Variants in OR51B5 observed in about 807,000 individuals in gnomAD.
The protein encoded by OR51B5 is olfactory receptor family 51 subfamily B member 5, also known as olfactory receptor 51B5.
For missense variants in OR51B5, 456 were observed against 374.6 expected (o/e 1.22, Z -1.79); for synonymous variants, 186 against 144.8 (o/e 1.28, Z -2.04).
chr11:5,372,365 T>G (rs1263194845), intron 1 of OR51B5, among the ~76,000 whole-genome samples: 2 of 152,194 alleles, frequency 1.3e-5, no homozygotes, highest in Admixed American at 6.5e-5. Flanking sequence ...ATAATGGCTA[T>G]GTTAACTTAC....
rs767610845 is a variant in OR51B5, at chr11:5,423,079, T to G, written n.85-76169A>C. 5 of 1,613,972 alleles carry G rather than the reference T, an allele frequency of 3.1e-6. No homozygotes were observed. In the East Asian group the frequency reaches 1.1e-4, roughly 36 times the overall value. Reference sequence around the variant, plus strand: ...CACCCCCGGTGATGAACCCCATCATTTACAGTGTAAAGAACAAGCAGATCC... The same window carrying G: ...CACCCCCGGTGATGAACCCCATCATGTACAGTGTAAAGAACAAGCAGATCC... On this transcript the variant is annotated intron_variant and non_coding_transcript_variant, in intron 1 of 4. Transcript: ENST00000415970.
At chr11:5,472,047 C>T (rs1438320426) in intron 1 of OR51B5, among the ~76,000 whole-genome samples, 1 of 152,134 alleles carries the variant, frequency 6.6e-6, no homozygotes, top group Non-Finnish European at 1.5e-5. Context: ...ATTTTATCCA[C>T]CATCTATGAG....
At chr11:5,414,110 G>A (rs1008409972) in intron 1 of OR51B5, among the ~76,000 whole-genome samples, 9 of 151,982 alleles carry the variant, frequency 5.9e-5, no homozygotes, top group African/African-American at 2.2e-4. Flanking sequence ...CAAGCCAGAA[G>A]AGAGTGGGGG....
intron 1 of OR51B5, among the ~76,000 whole-genome samples, chr11:5,417,665 A>C (rs1364649942): frequency 6.6e-6 from 1 of 151,868 alleles, no homozygotes; most frequent in Admixed American, 6.6e-5. Flanking sequence ...CAAAAAACAC[A>C]TGAAAAAATG....
chr11:5,341,194 G>T (rs921146822), downstream of OR51B5: 2 of 152,178 alleles, frequency 1.3e-5, no homozygotes, highest in Non-Finnish European at 2.9e-5. Flanking sequence ...CAGGAGACAG[G>T]GAGCAAGTAA....
intron 1 of OR51B5, among the ~76,000 whole-genome samples, chr11:5,396,569 G>A (rs1228397910): frequency 2.6e-5 from 4 of 150,970 alleles, no homozygotes; most frequent in Non-Finnish European, 5.9e-5. Context: ...CAAACAAATG[G>A]AAGAACATTC....
At chr11:5,383,118 C>T (rs1849635843) in intron 1 of OR51B5, among the ~76,000 whole-genome samples, 1 of 151,796 alleles carries the variant, frequency 6.6e-6, no homozygotes, top group African/African-American at 2.4e-5. Context: ...ATGTTGATGG[C>T]ATTTGCTACC....
At chr11:5,408,197 G>A (rs150705391) in intron 1 of OR51B5, among the ~76,000 whole-genome samples, 9 of 152,086 alleles carry the variant, frequency 5.9e-5, no homozygotes, top group African/African-American at 2.2e-4. Context: ...CATCTATAAT[G>A]ATTATTACTC....
intron 1 of OR51B5, chr11:5,422,203 G>A: frequency 6.2e-7 from 1 of 1,605,326 alleles, no homozygotes; most frequent in Non-Finnish European, 8.5e-7. Flanking sequence ...CATCAGTCAT[G>A]TCCCAGGTGA....
chr11:5,410,974 T>C (rs2133750051), intron 1 of OR51B5, among the ~76,000 whole-genome samples: 1 of 152,250 alleles, frequency 6.6e-6, no homozygotes, highest in East Asian at 1.9e-4. Context: ...AAAGTTAAAG[T>C]ATATAAAGTA....
chr11:5,471,572 G>A (rs430332), intron 1 of OR51B5, among the ~76,000 whole-genome samples: 114,037 of 150,846 alleles, frequency 0.76, 43,229 homozygotes, highest in Admixed American at 0.79. Context: ...GGAAGTGGAG[G>A]TTGCAGTGAG....
chr11:5,416,406 A>G (rs1850244193), intron 1 of OR51B5, among the ~76,000 whole-genome samples: 2 of 152,256 alleles, frequency 1.3e-5, no homozygotes, highest in South Asian at 4.2e-4. Context: ...TATTCAACAT[A>G]GTGTTGGAAG....
chr11:5,409,484 A>G (rs567989038), intron 1 of OR51B5, among the ~76,000 whole-genome samples: 1 of 146,754 alleles, frequency 6.8e-6, no homozygotes, highest in African/African-American at 2.5e-5. Flanking sequence ...ATATTAAAAA[A>G]TAATTCAATG....
chr11:5,415,198 G>A (rs996033940), intron 1 of OR51B5, among the ~76,000 whole-genome samples: 9 of 151,766 alleles, frequency 5.9e-5, no homozygotes, highest in Middle Eastern at 3.4e-3. Flanking sequence ...CGAAATGAAG[G>A]CAGAAATAAA....
chr11:5,474,545 C>T (rs962327571), intron 1 of OR51B5, among the ~76,000 whole-genome samples: 4 of 152,066 alleles, frequency 2.6e-5, no homozygotes, highest in Admixed American at 1.3e-4. Context: ...ACTTAAGACA[C>T]GAAATTTTTG....
At position 5,343,215 on chromosome 11, in the gene OR51B5, A is replaced by AGT; in HGVS notation, c.308_309dup (p.Ser104ThrfsTer37). The AGT allele has an allele frequency of 6.2e-7, 1 of 1,613,738 alleles. No homozygotes were observed. Among genetic ancestry groups the AGT allele is most frequent in the East Asian group, 2.2e-5 (1 of 44,838 alleles). ...ATGCCAGACTCGAGAAAGGAAAGTGAGTGTATAAAGTAGGCCTGGGAAAAG... is the reference window on the plus strand; with the variant it reads ...ATGCCAGACTCGAGAAAGGAAAGTGAGTGTGTATAAAGTAGGCCTGGGAAAAG... On this transcript the variant is annotated frameshift_variant, in exon 1 of 1. Coordinates refer to ENST00000300773, the Ensembl canonical transcript of OR51B5. LOFTEE classifies it low-confidence loss of function (END_TRUNC).
At chr11:5,460,041 C>G (rs1421930896) in intron 1 of OR51B5, among the ~76,000 whole-genome samples, 2 of 151,914 alleles carry the variant, frequency 1.3e-5, no homozygotes, top group Admixed American at 6.6e-5. Flanking sequence ...GAATTCTACA[C>G]AGCAATAAAA....
At chr11:5,431,160 C>A in intron 1 of OR51B5, 1 of 377,464 alleles carries the variant, frequency 2.6e-6, no homozygotes. Flanking sequence ...GTGTAATGCC[C>A]AGACCCATGC....
At chr11:5,362,390 G>A (rs2133698813) in intron 1 of OR51B5, among the ~76,000 whole-genome samples, 1 of 152,332 alleles carries the variant, frequency 6.6e-6, no homozygotes, top group East Asian at 1.9e-4. Context: ...TTGTAGATCA[G>A]ATGATCAGTC....
Sources: allele counts gnomAD v4.1 joint callset (sites outside exome capture counted in the v4.1 genomes callset), GRCh38; gene constraint gnomAD v4.1.1; transcripts MANE v1.5; gene names NCBI Gene and HGNC (gene_info 2026-07-23, HGNC 2026-07-21).